The following ROPN1 variants were observed in gnomAD, a reference collection of about 807,000 sequenced individuals.
The protein encoded by ROPN1 is rhophilin associated tail protein 1, also known as ropporin-1A.
In ROPN1, 14 loss-of-function variants were observed where a neutral mutation model predicts 20.5. The ratio of observed to expected loss-of-function variants is 0.68; its 90% CI spans 0.45 to 1.07. ROPN1 has a LOEUF of 1.07. Among genes scored for constraint, ROPN1 ranks in the 50% least tolerant of loss-of-function variants. The pLI is 0.00. For synonymous variants in ROPN1, 76 were observed against 95.7 expected (o/e 0.79, Z 1.20); for missense variants, 169 against 242.8 (o/e 0.70, Z 2.02).
intron 1 of ROPN1, among the ~76,000 whole-genome samples, chr3:123,988,451 A>T (rs2038319543): frequency 6.6e-6 from 1 of 152,198 alleles, no homozygotes; most frequent in Admixed American, 6.5e-5. Context: ...AAAACCTACA[A>T]GCAAGGGCTC....
intron 3 of ROPN1, among the ~76,000 whole-genome samples, chr3:123,976,058 T>G (rs1455340192): frequency 6.6e-6 from 1 of 152,204 alleles, no homozygotes; most frequent in Non-Finnish European, 1.5e-5. Flanking sequence ...GGATTTGGTC[T>G]GGATGCCTAA....
At chr3:123,971,711 A>C (rs1042765495) in intron 4 of ROPN1, among the ~76,000 whole-genome samples, 17 of 152,170 alleles carry the variant, frequency 1.1e-4, no homozygotes, top group Non-Finnish European at 2.1e-4. Flanking sequence ...TGAACATTAT[A>C]ATTTCCACCC....
chr3:123,989,232 C>A (rs2038342813), intron 1 of ROPN1, among the ~76,000 whole-genome samples: 1 of 152,142 alleles, frequency 6.6e-6, no homozygotes, highest in African/African-American at 2.4e-5. Flanking sequence ...GTGGACAAAG[C>A]AGGAGTGGTT....
chr3:123,977,534 C>T (rs1459750492), intron 2 of ROPN1, among the ~76,000 whole-genome samples: 1 of 151,928 alleles, frequency 6.6e-6, no homozygotes, highest in African/African-American at 2.4e-5. Context: ...AGTGAGACCC[C>T]CATCTCTGAA....
intron 4 of ROPN1, among the ~76,000 whole-genome samples, chr3:123,970,916 A>T (rs1268543926): frequency 6.6e-6 from 1 of 152,214 alleles, no homozygotes; most frequent in Non-Finnish European, 1.5e-5. Context: ...AAACTTGAAC[A>T]TTAAAGGAGC....
chr3:123,970,106 T>C lies in ROPN1; in HGVS notation c.508A>G (p.Lys170Glu). The change falls in exon 5 of 6, where the codon AAA becomes GAA. Residue 170 changes from lysine (K) to glutamate (E), a missense_variant. Transcript: ENST00000405845. ...TFQFLYTYIA[K>E]VDGEISASHV... ...GATGCAGAGATCTCCCCATCCACTT[T>C]GGCAATATACGTGTAGAGAAACTGG... The C allele has an allele frequency of 6.2e-7, 1 of 1,614,206 alleles. No individual in the cohort carries two copies.
intron 3 of ROPN1, among the ~76,000 whole-genome samples, chr3:123,976,428 A>G (rs2038025120): frequency 6.7e-6 from 1 of 149,860 alleles, no homozygotes; most frequent in Non-Finnish European, 1.5e-5. Context: ...TGATGTGGCT[A>G]TGAAGAGGCT....
chr3:123,981,840 T>C (rs1258048288), intron 1 of ROPN1, among the ~76,000 whole-genome samples: 1 of 152,172 alleles, frequency 6.6e-6, no homozygotes, highest in Non-Finnish European at 1.5e-5. Flanking sequence ...TTAGAAAAGT[T>C]ATAACAGTAA....
At chr3:123,973,515 G>A (rs1189859173) in intron 4 of ROPN1, among the ~76,000 whole-genome samples, 1 of 152,190 alleles carries the variant, frequency 6.6e-6, no homozygotes, top group African/African-American at 2.4e-5. Context: ...TAGAAGGGAA[G>A]TAGAAAGATT....
intron 2 of ROPN1, 51 bp from the exon 3 acceptor site, chr3:123,977,032 C>T (rs1271397898): frequency 2.0e-6 from 3 of 1,520,854 alleles, no homozygotes; most frequent in Non-Finnish European, 1.8e-6. Flanking sequence ...CCAGTGGCCT[C>T]TGGCTGTTCT....
chr3:123,986,969 A>G (rs2038274629), intron 1 of ROPN1, among the ~76,000 whole-genome samples: 1 of 152,234 alleles, frequency 6.6e-6, no homozygotes, highest in Non-Finnish European at 1.5e-5. Flanking sequence ...CTCAGATCAG[A>G]CCAGCCCCAT....
intron 4 of ROPN1, chr3:123,974,462 G>A (rs572094081): frequency 6.6e-6 from 1 of 152,084 alleles, no homozygotes; most frequent in East Asian, 1.9e-4. Flanking sequence ...AGGCTGTAGG[G>A]GAATCTATAG....
At chr3:123,969,373 C>A in intron 5 of ROPN1, 152 bp from the exon 6 acceptor site, 1 of 705,932 alleles carries the variant, frequency 1.4e-6, no homozygotes, top group Non-Finnish European at 2.4e-6. Context: ...GGGTCTGGCT[C>A]TGTCATCCAG....
chr3:123,980,621 T>C (rs754662758), intron 1 of ROPN1, 128 bp from the exon 2 acceptor site: 8 of 731,954 alleles, frequency 1.1e-5, no homozygotes, highest in Non-Finnish European at 1.5e-5. Flanking sequence ...GACAAATGCA[T>C]TCTATTATTA....
At chr3:123,976,674 G>C (rs1039973016) in intron 3 of ROPN1, among the ~76,000 whole-genome samples, 190 bp downstream of exon 3, 6 of 152,194 alleles carry the variant, frequency 3.9e-5, no homozygotes, top group Non-Finnish European at 7.3e-5. Context: ...CAATGACTCA[G>C]CCTACAGCCT....
At chr3:123,969,295 C>T in intron 5 of ROPN1, 74 bp from the exon 6 acceptor site, 3 of 1,176,534 alleles carry the variant, frequency 2.5e-6, no homozygotes, top group Non-Finnish European at 3.8e-6. Context: ...GCAAACAACT[C>T]TCATTTCACA....
chr3:123,982,926 A>G (rs905242729), intron 1 of ROPN1, among the ~76,000 whole-genome samples: 1 of 152,152 alleles, frequency 6.6e-6, no homozygotes, highest in African/African-American at 2.4e-5. Flanking sequence ...ATCTTCATGA[A>G]TTTGACTATC....
chr3:123,987,932 C>T (rs771421857), intron 1 of ROPN1, among the ~76,000 whole-genome samples: 3 of 152,114 alleles, frequency 2.0e-5, no homozygotes, highest in East Asian at 1.9e-4. Flanking sequence ...CGTGTTCATT[C>T]GCATCATCAT....
At position 123,986,811 on chromosome 3, in the gene ROPN1, T is replaced by C. The variant is rs563927657; in HGVS notation, c.-13+5111A>G. Among the ~76,000 whole-genome samples the C allele has an allele frequency of 1.1e-4, 17 of 152,286 alleles. 1 individual carries two copies. The East Asian group carries it at 3.1e-3, about 28-fold the overall frequency. On this transcript the variant is annotated intron_variant, in intron 1 of 5. Transcript: ENST00000405845. ...AAGTACTGGCTGCAGCATGCAGCCATAGGGGCCACCTTGCTGGAGCTCTCC... is the reference window on the plus strand; with the variant it reads ...AAGTACTGGCTGCAGCATGCAGCCACAGGGGCCACCTTGCTGGAGCTCTCC...
Sources: allele counts gnomAD v4.1 joint callset (sites outside exome capture counted in the v4.1 genomes callset), GRCh38; gene constraint gnomAD v4.1.1; transcripts MANE v1.5; gene names NCBI Gene and HGNC (gene_info 2026-07-23, HGNC 2026-07-21).